KCNMA1: variants seen among roughly 807,000 people sequenced by gnomAD.
The protein encoded by KCNMA1 is Calcium-activated potassium channel subunit alpha-1.
In KCNMA1, 29 loss-of-function variants were observed where a neutral mutation model predicts 140.0. That is an observed-to-expected ratio of 0.21 (90% CI 0.15 to 0.28). The LOEUF (loss-of-function observed/expected upper bound fraction) is 0.28, where lower values mean the gene tolerates loss of function less well. Among genes scored for constraint, KCNMA1 ranks in the 10% least tolerant of loss-of-function variants. KCNMA1 has a pLI of 1.00. For missense variants in KCNMA1, 880 were observed against 1,602.2 expected, an observed-to-expected ratio of 0.55 and a Z score of 7.70; for synonymous variants, 612 against 611.9, an observed-to-expected ratio of 1.00 and a Z score of 0.00.
intron 1 of KCNMA1, among the ~76,000 whole-genome samples, chr10:77,481,231 T>C (rs575108529): frequency 1.4e-4 from 22 of 152,222 alleles, no homozygotes; most frequent in African/African-American, 5.3e-4. Context: ...CCTTAAGGGA[T>C]AGGACCAATC....
intron 16 of KCNMA1, among the ~76,000 whole-genome samples, chr10:77,024,010 A>G (rs1243565750): frequency 6.6e-6 from 1 of 152,206 alleles, no homozygotes; most frequent in Non-Finnish European, 1.5e-5. Flanking sequence ...AACTTTAGAA[A>G]TGGCATTTTC....
intron 20 of KCNMA1, among the ~76,000 whole-genome samples, chr10:76,964,707 C>T (rs2073179297): frequency 6.6e-6 from 1 of 152,132 alleles, no homozygotes; most frequent in African/African-American, 2.4e-5. Context: ...CTAGCAGGCT[C>T]TGATGTGAGA....
intron 1 of KCNMA1, among the ~76,000 whole-genome samples, chr10:77,481,841 AC>A (rs34307071): frequency 0.54 from 82,410 of 151,306 alleles, 22,674 homozygotes; most frequent in East Asian, 0.79. Context: ...TAAATCTCAT[AC>A]GTTAATCTTG....
chr10:77,572,569 C>CTATCTATCTATCTATAT (rs2071879711), intron 1 of KCNMA1, among the ~76,000 whole-genome samples: 2 of 37,568 alleles, frequency 5.3e-5, no homozygotes, highest in African/African-American at 2.2e-4. Context: ...AAAAAAAATC[C>CTATCTATCTATCTATAT]ATATATATAT....
intron 25 of KCNMA1, among the ~76,000 whole-genome samples, chr10:76,907,219 C>G (rs536692945): frequency 2.6e-5 from 4 of 152,210 alleles, no homozygotes; most frequent in Non-Finnish European, 5.9e-5. Context: ...CTTAGTCACA[C>G]TATCCCAAAC....
At chr10:77,479,568 A>G (rs1358459653) in intron 1 of KCNMA1, among the ~76,000 whole-genome samples, 1 of 152,170 alleles carries the variant, frequency 6.6e-6, no homozygotes, top group Non-Finnish European at 1.5e-5. Context: ...GCAATGTGCT[A>G]TACACATTGT....
intron 2 of KCNMA1, among the ~76,000 whole-genome samples, chr10:77,358,111 A>T (rs1364202507): frequency 2.0e-5 from 3 of 152,106 alleles, no homozygotes; most frequent in African/African-American, 7.2e-5. Context: ...GCAGTGGGGG[A>T]TGTTAAGGAA....
intron 1 of KCNMA1, among the ~76,000 whole-genome samples, chr10:77,408,409 AGAGT>A (rs1002176874): frequency 1.3e-5 from 2 of 151,070 alleles, no homozygotes; most frequent in South Asian, 2.1e-4. Flanking sequence ...TGCATGTGTG[AGAGT>A]GTGTGCATGT....
At chr10:77,587,806 C>T (rs2077703430) in intron 1 of KCNMA1, 1 of 985,136 alleles carries the variant, frequency 1.0e-6, no homozygotes, top group South Asian at 4.7e-5. Flanking sequence ...AGATGCAGGG[C>T]CCCAGGTGGA....
chr10:77,422,839 G>A (rs1189137315), intron 1 of KCNMA1, among the ~76,000 whole-genome samples: 1 of 152,204 alleles, frequency 6.6e-6, no homozygotes, highest in African/African-American at 2.4e-5. Context: ...ATGCAAGGAA[G>A]GAGAAACCCT....
At chr10:77,569,122 G>GGTA (rs1303281543) in intron 1 of KCNMA1, among the ~76,000 whole-genome samples, 2 of 97,348 alleles carry the variant, frequency 2.1e-5, no homozygotes, top group Non-Finnish European at 4.3e-5. Context: ...CATGCTCATG[G>GGTA]GTAGGAAGAA....
At chr10:77,038,544 T>TTTA (rs1555161505) in intron 15 of KCNMA1, among the ~76,000 whole-genome samples, 1 of 152,030 alleles carries the variant, frequency 6.6e-6, no homozygotes, top group Non-Finnish European at 1.5e-5. Context: ...TCTGAGATTT[T>TTTA]TTATTATTAT....
At chr10:77,032,751 C>A (rs1380418422) in intron 15 of KCNMA1, among the ~76,000 whole-genome samples, 3 of 151,288 alleles carry the variant, frequency 2.0e-5, no homozygotes, top group Admixed American at 2.0e-4. Flanking sequence ...TTTTTTACTG[C>A]CAACATCATC....
chr10:76,948,064 G>A (rs961037060), intron 22 of KCNMA1, among the ~76,000 whole-genome samples: 1 of 152,086 alleles, frequency 6.6e-6, no homozygotes, highest in African/African-American at 2.4e-5. Flanking sequence ...GAGTGCAGTG[G>A]TGCTTTCACA....
intron 14 of KCNMA1, among the ~76,000 whole-genome samples, chr10:77,057,289 A>G (rs1447629653): frequency 1.3e-5 from 2 of 152,168 alleles, no homozygotes; most frequent in Non-Finnish European, 2.9e-5. Context: ...TAAAATGTTG[A>G]ACCCTGAATT....
chr10:77,130,911 C>G (rs2097845960), intron 5 of KCNMA1, among the ~76,000 whole-genome samples: 1 of 151,812 alleles, frequency 6.6e-6, no homozygotes, highest in East Asian at 1.9e-4. Flanking sequence ...CAATGATAAA[C>G]AGAATATTAA....
intron 14 of KCNMA1, among the ~76,000 whole-genome samples, chr10:77,072,572 G>A (rs1346696432): frequency 2.0e-5 from 3 of 152,148 alleles, no homozygotes; most frequent in African/African-American, 4.8e-5. Flanking sequence ...CGAGGACTCA[G>A]TACATTGTTT....
intron 14 of KCNMA1, among the ~76,000 whole-genome samples, chr10:77,065,758 T>C (rs928586849): frequency 6.6e-6 from 1 of 152,224 alleles, no homozygotes; most frequent in African/African-American, 2.4e-5. Context: ...GTACATTTAT[T>C]ACATGCACAC....
chr10:77,572,763 A>C (rs2072152899), intron 1 of KCNMA1, among the ~76,000 whole-genome samples: 1 of 149,686 alleles, frequency 6.7e-6, no homozygotes, highest in South Asian at 2.1e-4. Context: ...CTCAAAAAAA[A>C]AAAAAAATCA....
Sources: allele counts gnomAD v4.1 joint callset (sites outside exome capture counted in the v4.1 genomes callset), GRCh38; gene constraint gnomAD v4.1.1; transcripts MANE v1.5; gene names NCBI Gene and HGNC (gene_info 2026-07-23, HGNC 2026-07-21).